Variants in PIAS1 observed in about 807,000 individuals in gnomAD.
The protein encoded by PIAS1 is E3 SUMO-protein ligase PIAS1.
PIAS1 carries 6 observed loss-of-function variants against 71.3 expected under a neutral mutation model. The ratio of observed to expected loss-of-function variants is 0.08; its 90% CI spans 0.05 to 0.17. PIAS1 has a LOEUF of 0.17. Among genes scored for constraint, PIAS1 ranks in the 10% least tolerant of loss-of-function variants. PIAS1 has a pLI of 1.00. For missense variants in PIAS1, 555 were observed against 793.6 expected (o/e 0.70, Z 3.61); for synonymous variants, 303 against 292.9 (o/e 1.03, Z -0.35).
chr15:68,097,894 C>T, intron 2 of PIAS1, among the ~76,000 whole-genome samples: 1 of 152,104 alleles, frequency 6.6e-6, no homozygotes, highest in South Asian at 2.1e-4. Context: ...ATGCTACCTC[C>T]TAGAGGAGTA....
chr15:68,145,834 C>T lies in PIAS1; in HGVS notation c.621C>T (p.Thr207=), dbSNP rs2092804271. The T allele has an allele frequency of 6.2e-7, 1 of 1,608,098 alleles. No homozygotes were observed. Among genetic ancestry groups the T allele is most frequent in the Non-Finnish European group, 8.5e-7 (1 of 1,175,098 alleles). ...TGTTTAGGTTTTGTTTATCAGAAAC[C>T]AGTTGTCCACAAGAAGATCACTTCC... is the stretch of plus-strand genomic sequence containing the variant. The part of the protein sequence containing the change: ...QVQLRFCLSE[T]SCPQEDHFPP... The change falls in exon 5 of 14, where the codon ACC becomes ACT. Residue 207 remains threonine (T), a synonymous_variant. Transcript: ENST00000249636.
intron 7 of PIAS1, among the ~76,000 whole-genome samples, chr15:68,157,165 G>GATCAGAGT (rs2092896341): frequency 6.6e-6 from 1 of 152,184 alleles, no homozygotes; most frequent in Non-Finnish European, 1.5e-5. Flanking sequence ...GCAGGGGGGA[G>GATCAGAGT]ATCAGAGTGG....
chr15:68,157,047 G>A (rs2092895132), intron 7 of PIAS1, among the ~76,000 whole-genome samples: 1 of 152,204 alleles, frequency 6.6e-6, no homozygotes, highest in Admixed American at 6.5e-5. Flanking sequence ...TTGACTGTGT[G>A]TGTGGAGTGA....
intron 7 of PIAS1, among the ~76,000 whole-genome samples, chr15:68,156,846 G>T (rs1053058720): frequency 6.6e-6 from 1 of 152,108 alleles, no homozygotes; most frequent in African/African-American, 2.4e-5. Context: ...TTAAGCAGAG[G>T]AGTAAATGAC....
chr15:68,070,083 T>TA (rs1157070579), intron 1 of PIAS1, among the ~76,000 whole-genome samples: 1 of 152,170 alleles, frequency 6.6e-6, no homozygotes, highest in Non-Finnish European at 1.5e-5. Flanking sequence ...ATGAAAGAGT[T>TA]ATTGTAGGAA....
intron 2 of PIAS1, among the ~76,000 whole-genome samples, chr15:68,141,127 C>G (rs2092766944): frequency 6.6e-6 from 1 of 152,040 alleles, no homozygotes; most frequent in Non-Finnish European, 1.5e-5. Flanking sequence ...CACTTTGAGC[C>G]CAGGGGTTTG....
chr15:68,192,828 T>C lies in PIAS1; in HGVS notation c.*4993T>C, dbSNP rs561584207. On this transcript the variant is annotated 3_prime_UTR_variant, in exon 14 of 14. Transcript: ENST00000249636. ...AACCCACTTTTGATACATACATGGA[T>C]GCAAATCTTTGTACTTGAAGCCCTG... The C allele has an allele frequency of 3.3e-5, 5 of 152,394 alleles. No homozygotes were observed. In the South Asian group the frequency reaches 1.0e-3, roughly 32 times the overall value. The allele number at this position is 152,394 out of a possible 1,614,324, so 9.4% of individuals were successfully genotyped here. A position where few individuals can be genotyped will look rare whatever the true frequency, so the allele number is the denominator to read the frequency against.
chr15:68,182,034 T>G (rs908764570), intron 12 of PIAS1, among the ~76,000 whole-genome samples: 2 of 152,200 alleles, frequency 1.3e-5, no homozygotes, highest in Non-Finnish European at 2.9e-5. Flanking sequence ...TGGGTAACTA[T>G]GTTGTATTAT....
chr15:68,163,930 T>C lies in PIAS1; in HGVS notation c.935-801T>C, dbSNP rs74020059. Among the ~76,000 whole-genome samples the C allele has an allele frequency of 4.9e-3, 739 of 152,336 alleles. 6 individuals carry two copies. The highest frequency in any genetic ancestry group is 0.016 in the African/African-American group (679 of 41,578). On this transcript the variant is annotated intron_variant, in intron 7 of 13. Coordinates refer to ENST00000249636, the MANE Select transcript of PIAS1 (RefSeq NM_016166.3). ...ATAATGTTTTTTCTTGTTACTGTTA[T>C]TGAAGTTTTCAGAGGTAACAGCTAA...
intron 1 of PIAS1, among the ~76,000 whole-genome samples, chr15:68,067,994 CT>C (rs768354094): frequency 3.3e-5 from 5 of 152,152 alleles, no homozygotes; most frequent in Non-Finnish European, 7.3e-5. Context: ...ATATCATAGT[CT>C]TGTAAATTTC....
chr15:68,062,461 A>G (rs1851241135), intron 1 of PIAS1, among the ~76,000 whole-genome samples: 1 of 152,228 alleles, frequency 6.6e-6, no homozygotes. Flanking sequence ...ATTAACCACA[A>G]TCAGTTCTAG....
intron 1 of PIAS1, among the ~76,000 whole-genome samples, chr15:68,077,050 TG>T (rs1447091563): frequency 6.6e-6 from 1 of 152,156 alleles, no homozygotes; most frequent in Non-Finnish European, 1.5e-5. Context: ...TTAAAAAAAT[TG>T]TATTCGAGGA....
At chr15:68,065,915 CTTT>C (rs869104577) in intron 1 of PIAS1, among the ~76,000 whole-genome samples, 8 of 40,174 alleles carry the variant, frequency 2.0e-4, no homozygotes, top group African/African-American at 1.1e-3. Context: ...TGACTAAAAG[CTTT>C]TTTTTTTTTT....
chr15:68,058,498 T>C (rs2091920999), intron 1 of PIAS1, among the ~76,000 whole-genome samples: 1 of 152,216 alleles, frequency 6.6e-6, no homozygotes, highest in Non-Finnish European at 1.5e-5. Context: ...GCCTAGGTCT[T>C]GTGTAGTCCT....
At chr15:68,059,539 G>C (rs1033618843) in intron 1 of PIAS1, among the ~76,000 whole-genome samples, 1 of 151,192 alleles carries the variant, frequency 6.6e-6, no homozygotes, top group African/African-American at 2.4e-5. Flanking sequence ...GTGAAACCCC[G>C]TCTCTACTAA....
chr15:68,070,645 A>G (rs377340633), intron 1 of PIAS1, among the ~76,000 whole-genome samples: 9 of 152,334 alleles, frequency 5.9e-5, no homozygotes, highest in African/African-American at 1.9e-4. Context: ...CTGTAAGTGT[A>G]AAACATACTG....
rs2093116964 is a variant in PIAS1 at position 68,190,995 on chromosome 15, T to A, written c.*3160T>A. 1 of 152,302 alleles carries A rather than the reference T, an allele frequency of 6.6e-6. No individual in the cohort carries two copies. The highest frequency in any genetic ancestry group is 1.5e-5 in the Non-Finnish European group (1 of 68,032). 9.4% of individuals were successfully genotyped at this position (152,302 alleles called of 1,614,324 possible). On this transcript the variant is annotated 3_prime_UTR_variant, in exon 14 of 14. Coordinates refer to ENST00000249636, the MANE Select transcript of PIAS1 (RefSeq NM_016166.3). This position sits in a 1 kb window ranked among gnomAD's most constrained non-coding sequence, Gnocchi z 4.7. ...GTGGAAAGAGCATTTTTTTAGACAA[T>A]TTCAATTTTAAACACATAAAACTTT... is the stretch of plus-strand genomic sequence containing the variant.
chr15:68,099,864 T>A (rs1200225224), intron 2 of PIAS1, among the ~76,000 whole-genome samples: 2 of 152,168 alleles, frequency 1.3e-5, no homozygotes, highest in African/African-American at 4.8e-5. Flanking sequence ...TTAATTTACA[T>A]TTTCCTAATG....
chr15:68,104,506 G>A (rs2092453629), intron 2 of PIAS1, among the ~76,000 whole-genome samples: 1 of 152,114 alleles, frequency 6.6e-6, no homozygotes, highest in South Asian at 2.1e-4. Context: ...TATCAGACAT[G>A]TATTCATAGT....
Sources: allele counts gnomAD v4.1 joint callset (sites outside exome capture counted in the v4.1 genomes callset), GRCh38; gene constraint gnomAD v4.1.1; non-coding constraint Gnocchi (gnomAD v3.1); transcripts MANE v1.5; gene names NCBI Gene and HGNC (gene_info 2026-07-23, HGNC 2026-07-21).